CADPS2: variants seen among roughly 807,000 people sequenced by gnomAD.
CADPS2 encodes the protein calcium-dependent secretion activator 2.
Under a neutral mutation model 172.5 loss-of-function variants are expected in CADPS2, and 93 were observed. That is an observed-to-expected ratio of 0.54 (90% CI 0.46 to 0.64). The LOEUF is 0.64. CADPS2 is among the 30% of genes least tolerant of loss of function. The probability of loss-of-function intolerance (pLI) is 0.00; values close to 1 mark genes in which losing one functional copy is unlikely to be tolerated. For synonymous variants in CADPS2, 546 were observed against 555.2 expected (o/e 0.98, Z 0.23); for missense variants, 1,420 against 1,565.9 (o/e 0.91, Z 1.57).
chr7:122,541,174 T>C (rs575232194), intron 8 of CADPS2, among the ~76,000 whole-genome samples: 5 of 152,008 alleles, frequency 3.3e-5, no homozygotes, highest in African/African-American at 1.2e-4. Flanking sequence ...CCTAAGAATA[T>C]TTTTTAAACT....
At chr7:122,813,907 G>C (rs1485466113) in intron 1 of CADPS2, among the ~76,000 whole-genome samples, 2 of 151,978 alleles carry the variant, frequency 1.3e-5, no homozygotes, top group African/African-American at 2.4e-5. Context: ...TAACCAGAGA[G>C]ATGTGAGGGC....
chr7:122,637,164 A>T (rs1186094716), intron 3 of CADPS2, among the ~76,000 whole-genome samples: 1 of 109,978 alleles, frequency 9.1e-6, no homozygotes, highest in African/African-American at 3.5e-5. Context: ...TGCATTATGA[A>T]ATTTTGCTTT....
In CADPS2 at chr7:122,621,586, T is replaced by G. The variant is rs958121464; in HGVS notation, c.999A>C (p.Lys333Asn). 2 of 1,613,800 alleles carry G rather than the reference T, an allele frequency of 1.2e-6. No homozygotes were observed. The highest frequency in any genetic ancestry group is 1.7e-6 in the Non-Finnish European group (2 of 1,179,846). ...TCTGTGAACGTTTTAATTTTTGTAA[T>G]TTAAATTCCGGACCACCTTTCGAAA... ...LPVSKGGPEF[K>N]LQKLKRSQNS... Residue 333 changes from lysine to asparagine, a missense_variant, in exon 5 of 30, where the codon AAA becomes AAC. Lys to Asn is a moderately conservative substitution (Grantham distance 94). Transcript: ENST00000449022.
chr7:122,677,927 T>C (rs1409722452), intron 2 of CADPS2, among the ~76,000 whole-genome samples: 1 of 152,218 alleles, frequency 6.6e-6, no homozygotes, highest in African/African-American at 2.4e-5. Flanking sequence ...TATTTCTCTA[T>C]TCTAAGCCAT....
intron 25 of CADPS2, among the ~76,000 whole-genome samples, chr7:122,368,463 C>A (rs561006984): frequency 2.6e-5 from 4 of 152,140 alleles, no homozygotes; most frequent in Non-Finnish European, 4.4e-5. Context: ...CTGCTGACAT[C>A]TATTGTGTGG....
intron 1 of CADPS2, among the ~76,000 whole-genome samples, chr7:122,812,120 G>C (rs1022721080): frequency 2.0e-5 from 3 of 151,588 alleles, no homozygotes; most frequent in Non-Finnish European, 4.4e-5. Context: ...GTCTTCCCCA[G>C]GGATTCCTGA....
intron 2 of CADPS2, among the ~76,000 whole-genome samples, chr7:122,734,308 T>C (rs1024251790): frequency 3.1e-5 from 4 of 129,838 alleles, no homozygotes; most frequent in Non-Finnish European, 6.2e-5. Flanking sequence ...CTGACATAGG[T>C]ATATTCAAAA....
chr7:122,766,489 C>T (rs1316618577), intron 1 of CADPS2, among the ~76,000 whole-genome samples: 4 of 152,110 alleles, frequency 2.6e-5, no homozygotes, highest in Non-Finnish European at 5.9e-5. Flanking sequence ...ACTCCCCACA[C>T]GCAAACCTGT....
rs114172809 is a variant in CADPS2 at position 122,549,346 on chromosome 7, A to C, written c.1475+5204T>G. ...TACCACTGCACTAATTAATACAAAA[A>C]AATCAAGGATTGATAAACCTAAACA... On this transcript the variant is annotated intron_variant, in intron 8 of 29. Coordinates refer to ENST00000449022, the MANE Select transcript of CADPS2 (RefSeq NM_017954.11). 6.3e-3 allele frequency among the ~76,000 whole-genome samples: 967 copies of C among 152,286 alleles called. 7 individuals carry two copies. The highest frequency in any genetic ancestry group is 0.022 in the African/African-American group (927 of 41,566).
chr7:122,467,542 T>A (rs1378055437), intron 14 of CADPS2, among the ~76,000 whole-genome samples: 2 of 152,174 alleles, frequency 1.3e-5, no homozygotes, highest in African/African-American at 2.4e-5. Context: ...TGAGATTATT[T>A]TATATATAAA....
In CADPS2 at chr7:122,886,448, C is replaced by A; in HGVS notation, c.-111G>T. On this transcript the variant is annotated 5_prime_UTR_variant, in exon 1 of 30. Coordinates refer to ENST00000449022, the MANE Select transcript of CADPS2 (RefSeq NM_017954.11). The stretch of plus-strand genomic sequence containing the variant: ...GGGGCTGGCTGCAGCGGCCGCAGAA[C>A]GAAAGGAAAACTGGCCAGGGCTTTC... The A allele has an allele frequency of 1.5e-6, 2 of 1,378,894 alleles. No individual in the cohort carries two copies. Among genetic ancestry groups the A allele is most frequent in the Non-Finnish European group, 1.9e-6 (2 of 1,073,378 alleles). The allele number at this position is 1,378,894 out of a possible 1,614,324, so 85.4% of individuals were successfully genotyped here. A position where few individuals can be genotyped will look rare whatever the true frequency, so the allele number is the denominator to read the frequency against.
intron 2 of CADPS2, among the ~76,000 whole-genome samples, chr7:122,675,864 C>G (rs1392714691): frequency 1.3e-5 from 2 of 152,014 alleles, no homozygotes; most frequent in African/African-American, 4.8e-5. Flanking sequence ...GACAAACACC[C>G]AATGCACACA....
chr7:122,810,585 G>A (rs1415174389), intron 1 of CADPS2, among the ~76,000 whole-genome samples: 1 of 152,140 alleles, frequency 6.6e-6, no homozygotes, highest in East Asian at 1.9e-4. Flanking sequence ...AACAGGCTAT[G>A]TAATAATGTA....
In CADPS2 at chr7:122,581,223, C is replaced by T. The variant is rs774598697; in HGVS notation, c.1291G>A (p.Glu431Lys). Residue 431 changes from glutamate to lysine, a missense_variant, in exon 7 of 30, where the codon GAA becomes AAA. Glu to Lys is a moderately conservative substitution (Grantham distance 56, BLOSUM62 1). Coordinates refer to ENST00000449022, the MANE Select transcript of CADPS2 (RefSeq NM_017954.11). ...TCCAGGGCCAGAACTCCAGTGCTTT[C>T]TGTGAAGAGTTTCACTTTGACCACA... ...RPVVKVKLFT[E>K]STGVLALEDK... is the part of the protein sequence containing the mutation. 7.4e-6 allele frequency: 12 copies of T among 1,613,198 alleles called. No homozygotes were observed.
intron 25 of CADPS2, among the ~76,000 whole-genome samples, chr7:122,365,552 T>A (rs993546918): frequency 3.3e-5 from 5 of 152,178 alleles, no homozygotes; most frequent in Admixed American, 6.5e-5. Context: ...AGTTGCTGCA[T>A]CTTTAACTGC....
intron 1 of CADPS2, among the ~76,000 whole-genome samples, chr7:122,794,518 G>A (rs1432833245): frequency 2.0e-5 from 3 of 151,890 alleles, no homozygotes; most frequent in South Asian, 2.1e-4. Context: ...CGCAATAATA[G>A]TGGGAGAGCT....
At chr7:122,761,385 G>A (rs981657714) in intron 1 of CADPS2, among the ~76,000 whole-genome samples, 3 of 146,444 alleles carry the variant, frequency 2.0e-5, no homozygotes, top group South Asian at 2.2e-4. Context: ...GATGGCCAGA[G>A]ATGCTCACAA....
At chr7:122,404,141 C>G (rs191440900) in intron 20 of CADPS2, among the ~76,000 whole-genome samples, 9 of 152,064 alleles carry the variant, frequency 5.9e-5, no homozygotes, top group Non-Finnish European at 1.0e-4. Context: ...ATCCCTCCCC[C>G]CTCTCCCCAC....
chr7:122,799,381 C>T (rs1430295438), intron 1 of CADPS2, among the ~76,000 whole-genome samples: 4 of 152,024 alleles, frequency 2.6e-5, no homozygotes, highest in East Asian at 1.9e-4. Flanking sequence ...GGGTGGATCA[C>T]GAGGTCAGGA....
Sources: gnomAD v4.1 joint callset for allele counts (sites outside exome capture counted in the v4.1 genomes callset) on GRCh38, gnomAD v4.1.1 for gene constraint, MANE v1.5 for transcripts, NCBI Gene and HGNC (gene_info 2026-07-23, HGNC 2026-07-21) for gene names.